Variants in PLCH1 observed in about 807,000 individuals in gnomAD.
PLCH1 encodes the protein phospholipase C eta 1.
Under a neutral mutation model 126.7 loss-of-function variants are expected in PLCH1, and 60 were observed. The ratio of observed to expected loss-of-function variants is 0.47; its 90% CI spans 0.38 to 0.59. The LOEUF (loss-of-function observed/expected upper bound fraction) is 0.59. Among genes scored for constraint, PLCH1 ranks in the 20% least tolerant of loss-of-function variants. The pLI is 0.00. For synonymous variants in PLCH1, 719 were observed against 734.9 expected (o/e 0.98, Z 0.35); for missense variants, 1,723 against 2,040.0 (o/e 0.84, Z 2.99).
intron 18 of PLCH1, among the ~76,000 whole-genome samples, chr3:155,492,090 A>G (rs1160425015): frequency 2.0e-5 from 3 of 152,186 alleles, no homozygotes; most frequent in Non-Finnish European, 1.5e-5. Flanking sequence ...TTAAGATCCA[A>G]AAATGATGGT....
At chr3:155,615,054 C>G (rs1244857834) in intron 2 of PLCH1, among the ~76,000 whole-genome samples, 1 of 151,972 alleles carries the variant, frequency 6.6e-6, no homozygotes, top group Non-Finnish European at 1.5e-5. Context: ...GGACTAATAT[C>G]CAGAATCTAC....
intron 2 of PLCH1, among the ~76,000 whole-genome samples, chr3:155,685,750 T>C (rs1410220630): frequency 1.3e-5 from 2 of 152,210 alleles, no homozygotes; most frequent in Non-Finnish European, 1.5e-5. Flanking sequence ...ATGAGCTACA[T>C]AATCTGCTGG....
At chr3:155,475,627 A>G (rs1028001496), downstream of PLCH1, among the ~76,000 whole-genome samples, 9 of 152,134 alleles carry the variant, frequency 5.9e-5, no homozygotes, top group African/African-American at 1.7e-4. Context: ...ATGAAAAAAG[A>G]GACATTACAA....
At chr3:155,639,319 G>A (rs868471435) in intron 2 of PLCH1, among the ~76,000 whole-genome samples, 26 of 152,028 alleles carry the variant, frequency 1.7e-4, no homozygotes, top group Middle Eastern at 3.2e-3. Context: ...TACTTAGCCT[G>A]GAGTGGTGGT....
intron 2 of PLCH1, among the ~76,000 whole-genome samples, chr3:155,658,886 A>G (rs1007013842): frequency 3.3e-5 from 5 of 152,216 alleles, no homozygotes; most frequent in African/African-American, 9.6e-5. Context: ...TCACAGTTCA[A>G]TATTACAGCT....
At chr3:155,715,906 C>T (rs1747469988) in intron 1 of PLCH1, among the ~76,000 whole-genome samples, 1 of 152,106 alleles carries the variant, frequency 6.6e-6, no homozygotes, top group South Asian at 2.1e-4. Flanking sequence ...ACTTAGCCTT[C>T]CATTTGTTTT....
At chr3:155,539,241 G>GGTAATAAACCTT (rs1723882961) in intron 10 of PLCH1, among the ~76,000 whole-genome samples, 1 of 152,076 alleles carries the variant, frequency 6.6e-6, no homozygotes, top group Non-Finnish European at 1.5e-5. Flanking sequence ...AATCGGCATA[G>GGTAATAAACCTT]AAGGGACATA....
chr3:155,593,507 G>A lies in PLCH1; in HGVS notation c.470+434C>T, dbSNP rs1325332930. 9.9e-5 allele frequency among the ~76,000 whole-genome samples: 15 copies of A among 152,268 alleles called. No individual in the cohort carries two copies. The East Asian group carries it at 2.9e-3, about 29-fold the overall frequency. ...GGAGCTCAGTGCCCAGTATCTAATC[G>A]CAACTCACAAAGTATTTGTTAAACT... On this transcript the variant is annotated intron_variant, in intron 4 of 22. Transcript: ENST00000460012.
intron 2 of PLCH1, among the ~76,000 whole-genome samples, chr3:155,681,596 C>A (rs1239984066): frequency 6.6e-6 from 1 of 152,144 alleles, no homozygotes; most frequent in Non-Finnish European, 1.5e-5. Flanking sequence ...CTGAATGTCT[C>A]ACAGAACAAT....
chr3:155,596,301 G>A lies in PLCH1; in HGVS notation c.157C>T (p.Leu53Phe). 6.2e-7 allele frequency: 1 copy of A among 1,613,310 alleles called. No individual in the cohort carries two copies. The highest frequency in any genetic ancestry group is 8.5e-7 in the Non-Finnish European group (1 of 1,179,276). ...LKRGTKGLVRLFYLDEHRTRL... is the reference protein window; with the variant it reads ...LKRGTKGLVRFFYLDEHRTRL... ...GTCCGGTGCTCATCCAGGTAAAAGA[G>A]GCGGACAAGCCCTTTGGTTCCACGT... Residue 53 changes from leucine to phenylalanine, a missense_variant, in exon 3 of 23, where the codon CTC becomes TTC. Physicochemically the swap from Leu to Phe is conservative, Grantham distance 22 (BLOSUM62 0). This residue lies in a region of PLCH1 where 776 missense variants were observed against 1,062.9 expected (regional missense o/e 0.73). Transcript: ENST00000460012.
At chr3:155,627,807 G>A (rs1162358187) in intron 2 of PLCH1, among the ~76,000 whole-genome samples, 2 of 145,740 alleles carry the variant, frequency 1.4e-5, no homozygotes, top group African/African-American at 2.6e-5. Context: ...TCACTCCATC[G>A]CCCAGGCTGG....
intron 2 of PLCH1, among the ~76,000 whole-genome samples, chr3:155,680,341 C>T (rs1216620786): frequency 6.6e-6 from 1 of 152,054 alleles, no homozygotes; most frequent in Non-Finnish European, 1.5e-5. Flanking sequence ...CGAGATCATG[C>T]CACTGCACTC....
chr3:155,485,841 A>C, intron 21 of PLCH1, 131 bp from the exon 22 acceptor site: 1 of 628,710 alleles, frequency 1.6e-6, no homozygotes, highest in South Asian at 2.0e-5. Flanking sequence ...TATTCAAACC[A>C]AGAAAGCAGC....
chr3:155,585,565 C>G (rs1178589455), intron 5 of PLCH1, among the ~76,000 whole-genome samples: 2 of 152,130 alleles, frequency 1.3e-5, no homozygotes, highest in Non-Finnish European at 2.9e-5. Flanking sequence ...AGGGAAAGAG[C>G]CTTTCATCTA....
At chr3:155,555,738 A>G (rs921075364) in intron 8 of PLCH1, among the ~76,000 whole-genome samples, 16 of 152,184 alleles carry the variant, frequency 1.1e-4, no homozygotes, top group African/African-American at 3.6e-4. Flanking sequence ...GTCAACTGAC[A>G]TATCCCCTTC....
chr3:155,738,989 C>T (rs1749426607), intron 1 of PLCH1, among the ~76,000 whole-genome samples: 2 of 152,228 alleles, frequency 1.3e-5, no homozygotes, highest in African/African-American at 4.8e-5. Flanking sequence ...AGGTATCCAT[C>T]GCAACTCAGC....
rs35373040 is a variant in PLCH1 at position 155,667,903 on chromosome 3, TAAAAAAAAAAA to T, written c.79+36232_79+36242del. On this transcript the variant is annotated intron_variant, in intron 2 of 22. Coordinates refer to ENST00000460012, the MANE Select transcript of PLCH1 (RefSeq NM_014996.4). ...AACATGGCGAAACCCCATCTCTACT[TAAAAAAAAAAA>T]AAAAAAAAAAAAATACAAAAATTAG... 1.3e-4 allele frequency among the ~76,000 whole-genome samples: 10 copies of T among 75,592 alleles called. 1 individual carries two copies. The Admixed American group carries it at 1.6e-3, about 12-fold the overall frequency. The allele number at this position is 75,592 out of a possible 152,430, so 49.6% of individuals were successfully genotyped here.
chr3:155,588,881 T>A (rs991377296), intron 4 of PLCH1, among the ~76,000 whole-genome samples: 5 of 152,180 alleles, frequency 3.3e-5, no homozygotes, highest in Admixed American at 6.5e-5. Context: ...AACCTTGAAA[T>A]CCCTTCCAAC....
intron 10 of PLCH1, among the ~76,000 whole-genome samples, chr3:155,546,658 C>T (rs1193409903): frequency 6.6e-6 from 1 of 151,906 alleles, no homozygotes; most frequent in African/African-American, 2.4e-5. Context: ...GCTACAGTAA[C>T]CAAAACAGCA....
Sources: gnomAD v4.1 joint callset for allele counts (sites outside exome capture counted in the v4.1 genomes callset) on GRCh38, gnomAD v4.1.1 for gene constraint, gnomAD v4.1.1 regional missense constraint, MANE v1.5 for transcripts, NCBI Gene and HGNC (gene_info 2026-07-23, HGNC 2026-07-21) for gene names.